Variants in KIF1A observed in about 807,000 individuals in gnomAD.
The protein encoded by KIF1A is kinesin family member 1A, also known as kinesin-like protein KIF1A.
In KIF1A, 46 loss-of-function variants were observed where a neutral mutation model predicts 227.3. The observed-to-expected ratio is 0.20, with a 90% CI of 0.16 to 0.26. The LOEUF (loss-of-function observed/expected upper bound fraction) is 0.26. Among genes scored for constraint, KIF1A ranks in the 10% least tolerant of loss-of-function variants. The pLI is 1.00. For synonymous variants in KIF1A, 1,022 were observed against 1,012.8 expected (o/e 1.01, Z -0.17); for missense variants, 1,683 against 2,485.9 (o/e 0.68, Z 6.87).
chr2:240,768,331 C>T (rs965575034), intron 17 of KIF1A, among the ~76,000 whole-genome samples: 4 of 152,214 alleles, frequency 2.6e-5, no homozygotes, highest in African/African-American at 9.6e-5. Flanking sequence ...CTGCCTGTCC[C>T]GGCCCTGCCT....
chr2:240,728,095 C>T (rs1286597111), intron 38 of KIF1A, among the ~76,000 whole-genome samples: 17 of 152,192 alleles, frequency 1.1e-4, no homozygotes, highest in Admixed American at 9.2e-4. Context: ...CCAAGGCGGC[C>T]GGGCCCCTCC....
At chr2:240,741,456 G>T in intron 34 of KIF1A, 79 bp from the exon 35 acceptor site, 1 of 1,152,242 alleles carries the variant, frequency 8.7e-7, no homozygotes, top group Non-Finnish European at 1.2e-6. Context: ...AGGAGGAGAT[G>T]CCGGGGCCAA....
chr2:240,784,077 G>C (rs551057175), intron 7 of KIF1A, among the ~76,000 whole-genome samples: 35 of 152,300 alleles, frequency 2.3e-4, no homozygotes, highest in African/African-American at 8.4e-4. Flanking sequence ...CCACACGCTG[G>C]GTGGTTTTCA....
intron 48 of KIF1A, 48 bp downstream of exon 48, chr2:240,718,002 G>C: frequency 8.0e-7 from 1 of 1,247,898 alleles, no homozygotes; most frequent in Non-Finnish European, 1.1e-6. Flanking sequence ...GGAGCCGGTT[G>C]AGGGCAGGAC....
intron 10 of KIF1A, among the ~76,000 whole-genome samples, chr2:240,777,833 C>T (rs1019378746): frequency 9.2e-5 from 14 of 152,324 alleles, no homozygotes; most frequent in Non-Finnish European, 1.5e-4. Context: ...ACCAGTTCCT[C>T]GAAAACCCTC....
intron 44 of KIF1A, among the ~76,000 whole-genome samples, chr2:240,721,477 G>C (rs1354293737): frequency 6.6e-6 from 1 of 152,240 alleles, no homozygotes; most frequent in Non-Finnish European, 1.5e-5. Context: ...GGACAGCCAA[G>C]TGGGAGCTTG....
chr2:240,773,635 C>T (rs1014147118), intron 12 of KIF1A, among the ~76,000 whole-genome samples: 2 of 152,172 alleles, frequency 1.3e-5, no homozygotes, highest in South Asian at 2.1e-4. Context: ...GTGCTCACAC[C>T]GTGTACCAGC....
chr2:240,762,540 C>T (rs1327091112), intron 23 of KIF1A, among the ~76,000 whole-genome samples, 179 bp downstream of exon 23: 1 of 152,212 alleles, frequency 6.6e-6, no homozygotes, highest in Non-Finnish European at 1.5e-5. Flanking sequence ...CAGTATCCCC[C>T]CTCCCCCAAT....
chr2:240,736,147 C>T lies in KIF1A; in HGVS notation c.4007+916G>A, dbSNP rs1045021582. Among the ~76,000 whole-genome samples, 14 of 152,106 alleles carry T rather than the reference C, an allele frequency of 9.2e-5. No homozygotes were observed. Among genetic ancestry groups the T allele is most frequent in the African/African-American group, 1.4e-4 (6 of 41,406 alleles). On this transcript the variant is annotated intron_variant, in intron 38 of 48. Coordinates refer to ENST00000498729, the MANE Select transcript of KIF1A (RefSeq NM_001244008.2). The surrounding 1 kb of genome is among the most constrained non-coding windows in gnomAD (Gnocchi z 4.7). The stretch of plus-strand genomic sequence containing the variant: ...GGACCCAAGTCAGAAGAATAGGAGA[C>T]GACGCCCGCCAGGACCCTCCTTCCT...
Position 240,790,413 on chromosome 2 carries a change from G to T in KIF1A, c.107-1101C>A, listed in dbSNP as rs1164431203. Among the ~76,000 whole-genome samples the T allele has an allele frequency of 6.6e-6, 1 of 152,016 alleles. No individual in the cohort carries two copies. Among genetic ancestry groups the T allele is most frequent in the Non-Finnish European group, 1.5e-5 (1 of 68,034 alleles). On this transcript the variant is annotated intron_variant, in intron 2 of 48. Coordinates refer to ENST00000498729, the MANE Select transcript of KIF1A (RefSeq NM_001244008.2). This position sits in a 1 kb window ranked among gnomAD's most constrained non-coding sequence, Gnocchi z 5.0. Reference sequence around the variant, plus strand: ...GATGAGGCTGTGTCTGCCCCGGATTGGTTTTCCTCAGCCAGCGTGGGCTGG... The same window carrying T: ...GATGAGGCTGTGTCTGCCCCGGATTTGTTTTCCTCAGCCAGCGTGGGCTGG...
At chr2:240,731,319 C>T (rs1575534915) in intron 38 of KIF1A, among the ~76,000 whole-genome samples, 1 of 152,140 alleles carries the variant, frequency 6.6e-6, no homozygotes, top group South Asian at 2.1e-4. Flanking sequence ...GGGGTGGGGG[C>T]GCAGCTGGAG....
intron 38 of KIF1A, among the ~76,000 whole-genome samples, chr2:240,731,551 T>A (rs2046604028): frequency 6.6e-6 from 1 of 152,030 alleles, no homozygotes; most frequent in Non-Finnish European, 1.5e-5. Context: ...GCCCTGGAGG[T>A]CGCTGTCCTC....
In KIF1A at chr2:240,721,893, A is replaced by C. The variant is rs2045435827; in HGVS notation, c.4666-9T>G. On this transcript the variant is annotated splice_polypyrimidine_tract_variant and intron_variant, in intron 43 of 48. Coordinates refer to ENST00000498729, the MANE Select transcript of KIF1A (RefSeq NM_001244008.2). Reference sequence around the variant, plus strand: ...GTGAGCAGGCGCAAGCACTGTGGACAGAGCACACGCGTGGTCAGGGGCCAG... The same window carrying C: ...GTGAGCAGGCGCAAGCACTGTGGACCGAGCACACGCGTGGTCAGGGGCCAG... 6.2e-7 allele frequency: 1 copy of C among 1,600,742 alleles called. No individual in the cohort carries two copies. Among genetic ancestry groups the C allele is most frequent in the African/African-American group, 1.3e-5 (1 of 74,850 alleles).
intron 1 of KIF1A, among the ~76,000 whole-genome samples, chr2:240,812,963 A>G (rs62187843): frequency 0.12 from 6,769 of 55,834 alleles, no homozygotes; most frequent in African/African-American, 0.16. Context: ...TCAAGGATCC[A>G]CCTTCACCTC....
At chr2:240,814,108 C>A (rs1481656386) in intron 1 of KIF1A, among the ~76,000 whole-genome samples, 2 of 151,950 alleles carry the variant, frequency 1.3e-5, no homozygotes, top group African/African-American at 2.4e-5. Context: ...ACCAAACAGA[C>A]CAACCCATGA....
chr2:240,731,552 C>A (rs983486031), intron 38 of KIF1A, among the ~76,000 whole-genome samples: 1 of 152,210 alleles, frequency 6.6e-6, no homozygotes, highest in African/African-American at 2.4e-5. Context: ...CCCTGGAGGT[C>A]GCTGTCCTCA....
At chr2:240,732,536 G>GATGAGGGA (rs1288458366) in intron 38 of KIF1A, among the ~76,000 whole-genome samples, 3 of 129,746 alleles carry the variant, frequency 2.3e-5, no homozygotes, top group Admixed American at 7.8e-5. Flanking sequence ...AAAATGAGGG[G>GATGAGGGA]ATGAGGGAAT....
rs1025762209 is a variant in KIF1A, at chr2:240,775,536, C to A, written c.958+315G>T. Among the ~76,000 whole-genome samples, 1 of 152,138 alleles carries A rather than the reference C, an allele frequency of 6.6e-6. No homozygotes were observed. The highest frequency in any genetic ancestry group is 2.4e-5 in the African/African-American group (1 of 41,420). On this transcript the variant is annotated intron_variant, in intron 11 of 48. Transcript: ENST00000498729. This position sits in a 1 kb window ranked among gnomAD's most constrained non-coding sequence, Gnocchi z 5.5. ...CCGTGACTGATGGGGAAACCAAGGCCCAGAGAAGGATGAGTACTTGGCCTG... is the reference window on the plus strand; with the variant it reads ...CCGTGACTGATGGGGAAACCAAGGCACAGAGAAGGATGAGTACTTGGCCTG...
chr2:240,734,952 G>A (rs975137457), intron 38 of KIF1A, among the ~76,000 whole-genome samples: 2 of 152,184 alleles, frequency 1.3e-5, no homozygotes, highest in Non-Finnish European at 2.9e-5. Flanking sequence ...GCCAGAAGCC[G>A]GGGATCCTGA....
Sources: gnomAD v4.1 joint callset for allele counts (sites outside exome capture counted in the v4.1 genomes callset) on GRCh38, gnomAD v4.1.1 for gene constraint, Gnocchi (gnomAD v3.1) non-coding constraint, MANE v1.5 for transcripts, NCBI Gene and HGNC (gene_info 2026-07-23, HGNC 2026-07-21) for gene names.